Variants in PTPRD observed in about 807,000 individuals in gnomAD.
PTPRD encodes protein tyrosine phosphatase receptor type D, also known as receptor-type tyrosine-protein phosphatase delta.
Under a neutral mutation model 214.5 loss-of-function variants are expected in PTPRD, and 34 were observed. The ratio of observed to expected loss-of-function variants is 0.16; its 90% CI spans 0.12 to 0.21. The LOEUF (loss-of-function observed/expected upper bound fraction) is 0.21. PTPRD is among the 10% of genes least tolerant of loss of function. The probability of loss-of-function intolerance (pLI) is 1.00; values close to 1 mark genes in which losing one functional copy is unlikely to be tolerated. For synonymous variants in PTPRD, 1,128 were observed against 845.7 expected (o/e 1.33, Z -5.79); for missense variants, 2,545 against 2,398.7 (o/e 1.06, Z -1.27).
At chr9:9,296,585 T>G (rs1953138744) in intron 9 of PTPRD, among the ~76,000 whole-genome samples, 1 of 151,734 alleles carries the variant, frequency 6.6e-6, no homozygotes. Context: ...GAGTTCTAAT[T>G]ATTTAAATCA....
intron 2 of PTPRD, among the ~76,000 whole-genome samples, chr9:10,452,551 A>T (rs78039916): frequency 0.012 from 1,807 of 151,836 alleles, 34 homozygotes; most frequent in African/African-American, 0.039. Context: ...TACTTTTGAT[A>T]TGCATTTTCC....
intron 8 of PTPRD, among the ~76,000 whole-genome samples, chr9:9,489,958 C>A (rs1036258890): frequency 3.3e-5 from 5 of 151,882 alleles, no homozygotes; most frequent in African/African-American, 7.3e-5. Context: ...GACAGGTTGT[C>A]AACAAAATTT....
chr9:9,172,386 A>G (rs1048499362), intron 10 of PTPRD, among the ~76,000 whole-genome samples: 10 of 152,150 alleles, frequency 6.6e-5, no homozygotes, highest in African/African-American at 2.4e-4. Context: ...ATGTATAAAT[A>G]TAACTATTTT....
intron 24 of PTPRD, 94 bp downstream of exon 24, chr9:8,500,660 G>A: frequency 4.5e-6 from 5 of 1,120,704 alleles, no homozygotes; most frequent in Non-Finnish European, 4.8e-6. Context: ...GTAAAAAGAT[G>A]AGCAGAGAAA....
chr9:9,999,489 G>T (rs927462813), intron 4 of PTPRD, among the ~76,000 whole-genome samples: 1 of 152,166 alleles, frequency 6.6e-6, no homozygotes, highest in South Asian at 2.1e-4. Context: ...TTTGCAGGGA[G>T]AATTTAATTA....
intron 4 of PTPRD, among the ~76,000 whole-genome samples, chr9:10,012,095 T>C (rs891448088): frequency 1.3e-5 from 2 of 151,960 alleles, no homozygotes; most frequent in Non-Finnish European, 2.9e-5. Context: ...ATGTAAGAAT[T>C]CCCTTCATCA....
chr9:9,333,794 A>T (rs1306672537), intron 9 of PTPRD, among the ~76,000 whole-genome samples: 1 of 151,874 alleles, frequency 6.6e-6, no homozygotes, highest in Non-Finnish European at 1.5e-5. Context: ...ACTAATTTGT[A>T]GATGTGGTTG....
chr9:10,207,482 T>A (rs1466820996), intron 3 of PTPRD, among the ~76,000 whole-genome samples: 2 of 152,048 alleles, frequency 1.3e-5, no homozygotes, highest in Admixed American at 6.6e-5. Context: ...CACTATTTTC[T>A]AAAAATATTT....
At chr9:8,948,021 C>T (rs1192084068) in intron 11 of PTPRD, among the ~76,000 whole-genome samples, 2 of 119,454 alleles carry the variant, frequency 1.7e-5, no homozygotes, top group African/African-American at 6.3e-5. Flanking sequence ...CTCTCTCTCT[C>T]TTTTTTTTTT....
At chr9:10,377,527 G>A (rs1337848955) in intron 2 of PTPRD, among the ~76,000 whole-genome samples, 1 of 151,702 alleles carries the variant, frequency 6.6e-6, no homozygotes, top group Admixed American at 6.6e-5. Flanking sequence ...ACCTATGAGT[G>A]AGAACAGGCG....
chr9:9,645,287 G>C (rs376232374), intron 7 of PTPRD, among the ~76,000 whole-genome samples: 3 of 152,240 alleles, frequency 2.0e-5, no homozygotes, highest in African/African-American at 7.2e-5. Flanking sequence ...GTAAAATGGA[G>C]ACAATAATGC....
In PTPRD at chr9:8,751,111, A is replaced by G. The variant is rs1043126507; in HGVS notation, c.-103-17165T>C. On this transcript the variant is annotated intron_variant, in intron 11 of 45. Coordinates refer to ENST00000381196, the MANE Select transcript of PTPRD (RefSeq NM_002839.4). ...TTCCCAATTCAGAAAACAATCAGAA[A>G]TAATGTGTCGCTTTTTAATGTTTTC... Among the ~76,000 whole-genome samples the G allele has an allele frequency of 6.6e-5, 10 of 152,300 alleles. 1 individual carries two copies. The South Asian group carries it at 1.9e-3, about 28-fold the overall frequency.
rs1246819365 is a variant in PTPRD, at chr9:8,486,201, C to A, written c.2616G>T (p.Glu872Asp). The A allele has an allele frequency of 1.2e-6, 2 of 1,614,182 alleles. No individual in the cohort carries two copies. ...RKDMEPLTTLEFSEKEDHFTA... is the reference protein window; with the variant it reads ...RKDMEPLTTLDFSEKEDHFTA... Reference sequence around the variant, plus strand: ...TAAAGTGATCTTCTTTTTCAGAGAACTCAAGAGTAGTAAGTGGCTCCATAT... The same window carrying A: ...TAAAGTGATCTTCTTTTTCAGAGAAATCAAGAGTAGTAAGTGGCTCCATAT... Residue 872 changes from glutamate (E) to aspartate (D), a missense_variant, in exon 28 of 46, where the codon GAG becomes GAT. Transcript: ENST00000381196.
chr9:9,515,675 T>G (rs1395252701), intron 8 of PTPRD, among the ~76,000 whole-genome samples: 1 of 151,892 alleles, frequency 6.6e-6, no homozygotes, highest in African/African-American at 2.4e-5. Context: ...AAACCATATA[T>G]TAAATAAAAT....
At chr9:10,407,352 C>G (rs796675879) in intron 2 of PTPRD, among the ~76,000 whole-genome samples, 8 of 151,490 alleles carry the variant, frequency 5.3e-5, no homozygotes, top group African/African-American at 1.9e-4. Flanking sequence ...ATGTGAATAT[C>G]TTTGCGAGAA....
chr9:10,531,044 G>T (rs2056108463), intron 2 of PTPRD, among the ~76,000 whole-genome samples: 1 of 151,984 alleles, frequency 6.6e-6, no homozygotes, highest in Non-Finnish European at 1.5e-5. Flanking sequence ...CCACTTCCCA[G>T]GTTCAAGTAA....
At chr9:10,124,769 T>A (rs1228935684) in intron 3 of PTPRD, among the ~76,000 whole-genome samples, 2 of 152,250 alleles carry the variant, frequency 1.3e-5, no homozygotes, top group African/African-American at 4.8e-5. Flanking sequence ...GCTCTTAATG[T>A]ATTTTTCCAA....
At chr9:8,623,941 C>T (rs972036133) in intron 14 of PTPRD, among the ~76,000 whole-genome samples, 3 of 151,916 alleles carry the variant, frequency 2.0e-5, no homozygotes, top group African/African-American at 7.2e-5. Flanking sequence ...TTCCTATTAT[C>T]TCTTTCAAAG....
chr9:9,066,750 A>G (rs1372586231), intron 10 of PTPRD, among the ~76,000 whole-genome samples: 3 of 152,186 alleles, frequency 2.0e-5, no homozygotes, highest in African/African-American at 7.2e-5. Context: ...AAGCCCGACC[A>G]TGGGGTAGCT....
Sources: gnomAD v4.1 joint callset for allele counts (sites outside exome capture counted in the v4.1 genomes callset) on GRCh38, gnomAD v4.1.1 for gene constraint, MANE v1.5 for transcripts, NCBI Gene and HGNC (gene_info 2026-07-23, HGNC 2026-07-21) for gene names.